PUDP: variants seen among roughly 807,000 people sequenced by gnomAD.
PUDP encodes the protein pseudouridine-5'-phosphatase.
In PUDP, 8 loss-of-function variants were observed where a neutral mutation model predicts 9.4. The ratio of observed to expected loss-of-function variants is 0.85; its 90% CI spans 0.50 to 1.53. The LOEUF (loss-of-function observed/expected upper bound fraction) is 1.53, where lower values mean the gene tolerates loss of function less well. Ranked by LOEUF, PUDP falls within the 40% of genes most tolerant of loss-of-function variation. The pLI, the probability that PUDP is intolerant of heterozygous loss-of-function variation, is 0.00. For missense variants in PUDP, 188 were observed against 189.7 expected (o/e 0.99, Z 0.05); for synonymous variants, 99 against 80.7 (o/e 1.23, Z -1.22).
rs199596403 is a variant in PUDP, at chrX:6,936,063, G to A, written c.*247+41070C>T. On this transcript the variant is annotated intron_variant and NMD_transcript_variant, in intron 3 of 3. Coordinates refer to the PUDP transcript ENST00000655425. The stretch of plus-strand genomic sequence containing the variant: ...CGAATTCTACCAGAGGTACAAGGAG[G>A]AACTGATACCATTCCTTCTGAAACT... Among the ~76,000 whole-genome samples the A allele has an allele frequency of 3.8e-3, 409 of 108,001 alleles. 8 individuals are homozygous for A. The East Asian group carries it at 0.087, about 23-fold the overall frequency. The allele number at this position is 108,001 out of a possible 115,157, so 93.8% of individuals were successfully genotyped here. A position where few individuals can be genotyped will look rare whatever the true frequency, so the allele number is the denominator to read the frequency against.
At chrX:7,133,213 G>T (rs1459511267) in intron 1 of PUDP, among the ~76,000 whole-genome samples, 1 of 111,592 alleles carries the variant, frequency 9.0e-6, no homozygotes, top group Non-Finnish European at 1.9e-5. Context: ...TTGGCCACGC[G>T]GGTAGGAAGA....
chrX:6,775,045 C>G (rs934115483), intron 3 of PUDP, among the ~76,000 whole-genome samples: 2 of 112,136 alleles, frequency 1.8e-5, no homozygotes, highest in African/African-American at 6.5e-5. Context: ...TGTTGTGCAA[C>G]TATCACTTTT....
chrX:6,862,483 CT>C (rs1200476474), intron 3 of PUDP, among the ~76,000 whole-genome samples: 7 of 112,118 alleles, frequency 6.2e-5, no homozygotes, highest in East Asian at 2.8e-4. Flanking sequence ...TTTCCAACAA[CT>C]TTTTTTTCAT....
In PUDP at chrX:7,114,026, G is replaced by T. The variant is rs748276797; in HGVS notation, c.62-8188C>A. On this transcript the variant is annotated intron_variant, in intron 1 of 3. Transcript: ENST00000381077. ...AGCACAGAGCATCACATCTTGAGGG[G>T]GCTGAGTATGCTAGCTCAGGTCTCT... Among the ~76,000 whole-genome samples, 3 of 108,564 alleles carry T rather than the reference G, an allele frequency of 2.8e-5. No homozygotes were observed. In the South Asian group the frequency reaches 1.3e-3, roughly 45 times the overall value. 94.3% of individuals were successfully genotyped at this position (108,564 alleles called of 115,157 possible).
At chrX:6,839,326 A>C (rs949050173) in intron 3 of PUDP, among the ~76,000 whole-genome samples, 1 of 111,471 alleles carries the variant, frequency 9.0e-6, no homozygotes, top group Non-Finnish European at 1.9e-5. Flanking sequence ...TAGGTCCCTC[A>C]TGTCTGATTT....
intron 3 of PUDP, among the ~76,000 whole-genome samples, chrX:6,892,289 A>G (rs960556205): frequency 8.9e-6 from 1 of 111,750 alleles, no homozygotes; most frequent in Non-Finnish European, 1.9e-5. Context: ...TCTCCACAAA[A>G]TTCTTAAGTT....
chrX:6,801,879 GTGTTGGC>G (rs771761870), intron 3 of PUDP, among the ~76,000 whole-genome samples: 114 of 112,190 alleles, frequency 1.0e-3, no homozygotes, highest in Non-Finnish European at 1.5e-3. Flanking sequence ...GAGCGAAGAT[GTGTTGGC>G]TGCCTGTCAG....
At chrX:6,976,059 T>C (rs900187968) in intron 3 of PUDP, among the ~76,000 whole-genome samples, 11 of 111,950 alleles carry the variant, frequency 9.8e-5, no homozygotes, top group Non-Finnish European at 1.5e-4. Context: ...CCAACCAAGT[T>C]TGAGTGTCCT....
At chrX:7,081,452 C>T (rs1038561324) in intron 2 of PUDP, among the ~76,000 whole-genome samples, 1 of 112,368 alleles carries the variant, frequency 8.9e-6, no homozygotes, top group Non-Finnish European at 1.9e-5. Flanking sequence ...TGTACCCGGC[C>T]GATTATTTTA....
chrX:7,122,258 C>A (rs1047318758), intron 1 of PUDP, among the ~76,000 whole-genome samples: 5 of 109,394 alleles, frequency 4.6e-5, no homozygotes, highest in African/African-American at 1.7e-4. Flanking sequence ...CATTCATTTG[C>A]ACACAAATCT....
At chrX:7,041,865 CTCT>C (rs1483667813) in intron 1 of PUDP, among the ~76,000 whole-genome samples, 1 of 40,431 alleles carries the variant, frequency 2.5e-5, no homozygotes, top group Non-Finnish European at 3.6e-5. Context: ...CTCTCTCTCT[CTCT>C]TTTTTTTTTT....
At chrX:7,136,280 G>A (rs1344640740) in intron 1 of PUDP, among the ~76,000 whole-genome samples, 4 of 112,327 alleles carry the variant, frequency 3.6e-5, no homozygotes, top group South Asian at 3.7e-4. Context: ...CACACGTGAC[G>A]TGACATGCTG....
At chrX:6,736,203 A>T (rs1924870492) in intron 3 of PUDP, among the ~76,000 whole-genome samples, 1 of 112,052 alleles carries the variant, frequency 8.9e-6, no homozygotes, top group South Asian at 3.7e-4. Flanking sequence ...ATATAGTGAA[A>T]GAATAAGAAA....
chrX:6,966,580 G>T (rs1418316245), intron 3 of PUDP, among the ~76,000 whole-genome samples: 1 of 97,529 alleles, frequency 1.0e-5, no homozygotes, highest in African/African-American at 3.8e-5. Context: ...CAGGGTCTCA[G>T]TCTATCACAT....
chrX:6,710,827 G>T (rs754218941), intron 1 of PUDP, among the ~76,000 whole-genome samples: 8 of 111,765 alleles, frequency 7.2e-5, no homozygotes, highest in African/African-American at 1.6e-4. Context: ...AATTTCCTCC[G>T]AAGCCAATAA....
chrX:7,096,641 G>A (rs1931580633), intron 2 of PUDP, among the ~76,000 whole-genome samples: 1 of 110,718 alleles, frequency 9.0e-6, no homozygotes, highest in Non-Finnish European at 1.9e-5. Flanking sequence ...ACCAGACTGG[G>A]CAACATATCA....
At chrX:6,980,996 GA>G (rs1929024903) in intron 1 of PUDP, among the ~76,000 whole-genome samples, 2 of 111,367 alleles carry the variant, frequency 1.8e-5, no homozygotes, top group Admixed American at 1.9e-4. Flanking sequence ...GAGAAAGCAT[GA>G]AAAACAGATG....
intron 3 of PUDP, among the ~76,000 whole-genome samples, chrX:6,931,645 T>G (rs933420713): frequency 1.8e-5 from 2 of 111,857 alleles, no homozygotes; most frequent in African/African-American, 6.5e-5. Flanking sequence ...ATCAGAAAAT[T>G]TAAGGAGCAG....
intron 2 of PUDP, among the ~76,000 whole-genome samples, chrX:7,105,133 C>T (rs1312379038): frequency 3.7e-5 from 4 of 109,491 alleles, no homozygotes; most frequent in Non-Finnish European, 5.7e-5. Context: ...AAGGGCTGAA[C>T]GGCATATAAA....
Sources: gnomAD v4.1 joint callset for allele counts (sites outside exome capture counted in the v4.1 genomes callset) on GRCh38, gnomAD v4.1.1 for gene constraint, MANE v1.5 for transcripts, NCBI Gene and HGNC (gene_info 2026-07-23, HGNC 2026-07-21) for gene names.